ABCC5: variants seen among roughly 807,000 people sequenced by gnomAD.
ABCC5 encodes ATP-binding cassette sub-family C member 5.
Under a neutral mutation model 160.9 loss-of-function variants are expected in ABCC5, and 61 were observed. The observed-to-expected ratio is 0.38, with a 90% CI of 0.31 to 0.47. The LOEUF (loss-of-function observed/expected upper bound fraction) is 0.47. Ranked by LOEUF, ABCC5 falls within the 20% of genes least tolerant of loss-of-function variation. ABCC5 has a pLI of 0.99. For synonymous variants in ABCC5, 666 were observed against 700.6 expected (o/e 0.95, Z 0.78); for missense variants, 1,308 against 1,813.3 (o/e 0.72, Z 5.06).
chr3:183,971,503 G>T, intron 11 of ABCC5, 60 bp downstream of exon 11: 1 of 1,490,830 alleles, frequency 6.7e-7, no homozygotes, highest in Non-Finnish European at 9.1e-7. Flanking sequence ...CCGCCTATTG[G>T]TGGCAGATCA....
intron 2 of ABCC5, among the ~76,000 whole-genome samples, chr3:183,998,516 TACTA>T (rs772117049): frequency 1.4e-4 from 21 of 152,268 alleles, no homozygotes; most frequent in Admixed American, 3.3e-4. Context: ...GGTTTACAGA[TACTA>T]ACTAATTTAA....
rs768974148 is a variant in ABCC5 at position 183,982,551 on chromosome 3, C to A, written c.899G>T (p.Gly300Val). 1 of 1,614,176 alleles carries A rather than the reference C, an allele frequency of 6.2e-7. No homozygotes were observed. Among genetic ancestry groups the A allele is most frequent in the Non-Finnish European group, 8.5e-7 (1 of 1,180,048 alleles). ...AAAVGSLLAG[G>V]PVVAILGMIY... ...CATGCCTAAGATGGCAACAACGGGT[C>A]CTCCAGCCAGCAGGCTGCCAACGGC... Residue 300 changes from glycine (G) to valine (V), a missense_variant, in exon 7 of 30, where the codon GGA (glycine) becomes GTA (valine). Around this residue, in one of 3 missense-constraint regions of ABCC5, gnomAD observed 1,142 missense variants for 1,527.1 expected, o/e 0.75. Transcript: ENST00000334444. The surrounding 1 kb of genome is among the most constrained non-coding windows in gnomAD (Gnocchi z 5.2).
chr3:183,990,226 A>G (rs1291011121), intron 2 of ABCC5, among the ~76,000 whole-genome samples: 1 of 151,948 alleles, frequency 6.6e-6, no homozygotes, highest in Non-Finnish European at 1.5e-5. Flanking sequence ...CTCATGTCTC[A>G]GCCTCCGAGT....
intron 26 of ABCC5, among the ~76,000 whole-genome samples, chr3:183,933,550 TCTC>T (rs1713389386): frequency 6.6e-6 from 1 of 152,026 alleles, no homozygotes; most frequent in African/African-American, 2.4e-5. Context: ...AAAAGGGGCC[TCTC>T]TTCTTGGAGG....
At chr3:183,996,816 C>G (rs1720326549) in intron 2 of ABCC5, among the ~76,000 whole-genome samples, 1 of 152,220 alleles carries the variant, frequency 6.6e-6, no homozygotes, top group East Asian at 1.9e-4. Flanking sequence ...CAAAAAGAAT[C>G]AAACCTTGCT....
chr3:183,974,109 A>G (rs1718008589), intron 10 of ABCC5, among the ~76,000 whole-genome samples: 1 of 152,186 alleles, frequency 6.6e-6, no homozygotes. Context: ...GAACAACAGA[A>G]TCTTAGATAT....
Position 183,988,576 on chromosome 3 carries a change from T to C in ABCC5, c.439A>G (p.Arg147Gly), listed in dbSNP as rs28365002. The C allele has an allele frequency of 8.9e-5, 144 of 1,612,864 alleles. No homozygotes were observed. The East Asian group carries it at 9.1e-4, about 10-fold the overall frequency. ...SKHESSDVNC[R>G]RLERLWQEEL... is the part of the protein sequence containing the mutation. ...GGGTGGACCAGAGGCGCCTACCTTC[T>C]GCAGTTCACGTCAGAAGACTCGTGC... Residue 147 changes from arginine (R) to glycine (G), a missense_variant, in exon 4 of 30, where the codon AGA becomes GGA. By Grantham distance (125) the Arg-to-Gly change is moderately radical. Transcript: ENST00000334444. This position sits in a 1 kb window ranked among gnomAD's most constrained non-coding sequence, Gnocchi z 4.4.
At chr3:184,010,348 G>A (rs1721623107) in intron 2 of ABCC5, 1 of 151,374 alleles carries the variant, frequency 6.6e-6, no homozygotes, top group African/African-American at 2.4e-5. Context: ...GTGGATTCCT[G>A]AAATTTTATA....
In ABCC5 at chr3:183,921,909, C is replaced by T. The variant is rs977148567; in HGVS notation, c.4213-508G>A. ...GCTGGGCATGGTTGGCGGGTGCCTA[C>T]AATCCCAGTGACTTGGGAGGCTGAG... On this transcript the variant is annotated intron_variant, in intron 29 of 29. Transcript: ENST00000334444. The surrounding 1 kb of genome is among the most constrained non-coding windows in gnomAD (Gnocchi z 4.1). Among the ~76,000 whole-genome samples, 1 of 151,558 alleles carries T rather than the reference C, an allele frequency of 6.6e-6. No individual in the cohort carries two copies. Among genetic ancestry groups the T allele is most frequent in the African/African-American group, 2.4e-5 (1 of 41,242 alleles).
intron 25 of ABCC5, among the ~76,000 whole-genome samples, chr3:183,939,119 T>C (rs994142006): frequency 6.6e-6 from 1 of 152,240 alleles, no homozygotes; most frequent in African/African-American, 2.4e-5. Context: ...AAATGCAATA[T>C]TGTAATTGCT....
chr3:183,970,422 ACT>A (rs1411802940), intron 11 of ABCC5, among the ~76,000 whole-genome samples: 1 of 142,480 alleles, frequency 7.0e-6, no homozygotes, highest in African/African-American at 2.6e-5. Flanking sequence ...GCCCCAGCAC[ACT>A]CTCTCCTCAC....
intron 16 of ABCC5, among the ~76,000 whole-genome samples, chr3:183,961,021 G>A (rs538942396): frequency 3.3e-5 from 5 of 152,130 alleles, no homozygotes; most frequent in East Asian, 1.9e-4. Flanking sequence ...ATTCCTGGGC[G>A]CAAGCAATCT....
chr3:183,969,246 C>G (rs951915658), intron 11 of ABCC5, among the ~76,000 whole-genome samples: 4 of 152,200 alleles, frequency 2.6e-5, no homozygotes, highest in African/African-American at 9.7e-5. Flanking sequence ...TGTCTGTGGG[C>G]TCTGAAGGGC....
chr3:183,951,897 A>C lies in ABCC5; in HGVS notation c.2774T>G (p.Met925Arg). Residue 925 changes from methionine (M) to arginine (R), a missense_variant, in exon 19 of 30, where the codon ATG becomes AGG. By Grantham distance (91) the Met-to-Arg change is moderately conservative. Transcript: ENST00000334444. The surrounding 1 kb of genome is among the most constrained non-coding windows in gnomAD (Gnocchi z 4.7). ...TCCTCGAATGGCTTTCAGGATCAGC[A>C]TGACTGCCATGGAGAGGGCGTAGAT... ...ASIYALSMAVMLILKAIRGVV... is the reference protein window; with the variant it reads ...ASIYALSMAVRLILKAIRGVV... 2 of 1,614,020 alleles carry C rather than the reference A, an allele frequency of 1.2e-6. No individual in the cohort carries two copies. The highest frequency in any genetic ancestry group is 1.7e-6 in the Non-Finnish European group (2 of 1,179,906).
intron 5 of ABCC5, chr3:183,984,938 T>C (rs1343808451): frequency 2.0e-6 from 3 of 1,517,942 alleles, no homozygotes; most frequent in Non-Finnish European, 8.9e-7. Flanking sequence ...TTCCTTCCCA[T>C]ACCTTTAGAG....
At chr3:183,996,054 G>T (rs1029161490) in intron 2 of ABCC5, among the ~76,000 whole-genome samples, 2 of 152,146 alleles carry the variant, frequency 1.3e-5, no homozygotes, top group Non-Finnish European at 2.9e-5. Context: ...TGATCCGCCT[G>T]CCTCGGCCTC....
chr3:184,001,332 A>G, intron 2 of ABCC5: 1 of 440,614 alleles, frequency 2.3e-6, no homozygotes, highest in Non-Finnish European at 4.1e-6. Context: ...CTTTTTTAAC[A>G]TATAATCAAT....
intron 2 of ABCC5, among the ~76,000 whole-genome samples, chr3:183,994,339 T>G (rs1328460155): frequency 6.6e-6 from 1 of 151,858 alleles, no homozygotes. Flanking sequence ...ATGAGAAATC[T>G]AGTTTCCCCA....
chr3:183,982,304 C>T lies in ABCC5; in HGVS notation c.999+147G>A. On this transcript the variant is annotated intron_variant, in intron 7 of 29. Coordinates refer to ENST00000334444, the MANE Select transcript of ABCC5 (RefSeq NM_005688.4). This position sits in a 1 kb window ranked among gnomAD's most constrained non-coding sequence, Gnocchi z 5.2. ...AAGTCAAAATTCTGTCCCTATAGAG[C>T]AAGCACTATCGAGCTCTAGATTGAA... is the stretch of plus-strand genomic sequence containing the variant. The T allele has an allele frequency of 1.1e-6, 1 of 886,758 alleles. No homozygotes were observed. Among genetic ancestry groups the T allele is most frequent in the Non-Finnish European group, 1.7e-6 (1 of 587,054 alleles). The allele number at this position is 886,758 out of a possible 1,614,324, so 54.9% of individuals were successfully genotyped here.
Sources: gnomAD v4.1 joint callset for allele counts (sites outside exome capture counted in the v4.1 genomes callset) on GRCh38, gnomAD v4.1.1 for gene constraint, gnomAD v4.1.1 regional missense constraint, Gnocchi (gnomAD v3.1) non-coding constraint, MANE v1.5 for transcripts, NCBI Gene and HGNC (gene_info 2026-07-23, HGNC 2026-07-21) for gene names.